Variants in FN1 observed in about 807,000 individuals in gnomAD.
FN1 encodes fibronectin 1.
A neutral mutation model predicts 297.3 loss-of-function variants in FN1; 106 were observed. That is an observed-to-expected ratio of 0.36 (90% CI 0.30 to 0.42). The LOEUF is 0.42. Ranked by LOEUF, FN1 falls within the 10% of genes least tolerant of loss-of-function variation. The probability of loss-of-function intolerance (pLI) is 1.00; values close to 1 mark genes in which losing one functional copy is unlikely to be tolerated. For missense variants in FN1, 2,690 were observed against 3,124.9 expected, an observed-to-expected ratio of 0.86 and a Z score of 3.32; for synonymous variants, 1,149 against 1,152.6, an observed-to-expected ratio of 1.00 and a Z score of 0.06.
At chr2:215,395,088 T>C (rs2106119134) in intron 23 of FN1, among the ~76,000 whole-genome samples, 1 of 152,248 alleles carries the variant, frequency 6.6e-6, no homozygotes, top group African/African-American at 2.4e-5. Context: ...TGTACCCTGC[T>C]TTTCCTTAAT....
At chr2:215,384,737 C>G in intron 29 of FN1, 123 bp downstream of exon 29, 1 of 738,100 alleles carries the variant, frequency 1.4e-6, no homozygotes. Flanking sequence ...TTGGAAAAAA[C>G]AAGGGCTCCG....
At chr2:215,390,520 G>T (rs937645202) in intron 26 of FN1, among the ~76,000 whole-genome samples, 2 of 152,118 alleles carry the variant, frequency 1.3e-5, no homozygotes, top group African/African-American at 4.8e-5. Flanking sequence ...TAATGACTTT[G>T]CTAGGAGGGA....
chr2:215,433,759 T>G (rs1455939074), intron 2 of FN1, among the ~76,000 whole-genome samples: 2 of 152,228 alleles, frequency 1.3e-5, no homozygotes, highest in Admixed American at 6.5e-5. Flanking sequence ...TGTGAAGGGT[T>G]TCACATTCCA....
Position 215,380,853 on chromosome 2 carries a change from C to T in FN1, c.5392G>A (p.Asp1798Asn), listed in dbSNP as rs775247659. ...ATCAGGGGCTGGCTCTCCATATCATCGTGCAAGGCAACCACACTGACTGTG... is the reference window on the plus strand; with the variant it reads ...ATCAGGGGCTGGCTCTCCATATCATTGTGCAAGGCAACCACACTGACTGTG... The part of the protein sequence containing the change: ...EYTVSVVALH[D>N]DMESQPLIGT... The change falls in exon 33 of 46, where the codon GAT becomes AAT. Residue 1798 changes from aspartate to asparagine, a missense_variant. By Grantham distance (23) the Asp-to-Asn change is conservative (BLOSUM62 1). This residue lies in a region of FN1 where 1,743 missense variants were observed against 1,945.2 expected (regional missense o/e 0.90). Coordinates refer to ENST00000354785, the MANE Select transcript of FN1 (RefSeq NM_212482.4). The T allele has an allele frequency of 5.0e-6, 8 of 1,613,916 alleles. No individual in the cohort carries two copies. Among genetic ancestry groups the T allele is most frequent in the Middle Eastern group, 1.7e-4 (1 of 5,846 alleles).
In FN1 at chr2:215,361,596, G is replaced by C. The variant is rs1366673139; in HGVS notation, c.7393C>G (p.Pro2465Ala). Residue 2465 changes from proline to alanine, a missense_variant, in exon 46 of 46, where the codon CCT (proline) becomes GCT (alanine). Coordinates refer to ENST00000354785, the MANE Select transcript of FN1 (RefSeq NM_212482.4). ...TCTCTGTCAGCCTGTACATCTAAAG[G>C]CATGAAGCACTCAATTGGGCAATTA... ...NVNCPIECFM[P>A]LDVQADREDS... 2 of 1,612,380 alleles carry C rather than the reference G, an allele frequency of 1.2e-6. No individual in the cohort carries two copies. The highest frequency in any genetic ancestry group is 2.7e-5 in the African/African-American group (2 of 74,868).
intron 28 of FN1, among the ~76,000 whole-genome samples, chr2:215,385,253 A>T (rs1410113528): frequency 2.5e-5 from 2 of 80,564 alleles, no homozygotes; most frequent in East Asian, 3.5e-3. Context: ...AAAGTTAAAA[A>T]AAAAAAAAAA....
rs774886048 is a variant in FN1, at chr2:215,397,238, C to T, written c.3518-15G>A. The T allele has an allele frequency of 1.3e-6, 2 of 1,596,870 alleles. No individual in the cohort carries two copies. The highest frequency in any genetic ancestry group is 1.1e-5 in the South Asian group (1 of 90,714). ...TGGAGACAATGCTATGCAGAAAGAA[C>T]ATTTTAAAAGTCAAAGCTGACACAA... On this transcript the variant is annotated splice_polypyrimidine_tract_variant and intron_variant, in intron 22 of 45. Coordinates refer to ENST00000354785, the MANE Select transcript of FN1 (RefSeq NM_212482.4).
At chr2:215,364,747 A>T (rs955800264) in intron 44 of FN1, 132 bp downstream of exon 44, 1 of 704,898 alleles carries the variant, frequency 1.4e-6, no homozygotes, top group Non-Finnish European at 2.6e-6. Flanking sequence ...CAGCAGTTGT[A>T]TGCCAACAGG....
At chr2:215,405,263 C>A (rs1409444040) in intron 19 of FN1, among the ~76,000 whole-genome samples, 3 of 152,052 alleles carry the variant, frequency 2.0e-5, no homozygotes, top group African/African-American at 7.2e-5. Context: ...AGCAGTTTTC[C>A]CACCGAAATT....
Position 215,381,008 on chromosome 2 carries a change from G to A in FN1, c.5237C>T (p.Pro1746Leu), listed in dbSNP as rs923283804. 6 of 1,614,086 alleles carry A rather than the reference G, an allele frequency of 3.7e-6. No homozygotes were observed. The African/African-American group carries it at 6.7e-5, about 18-fold the overall frequency. The change falls in exon 33 of 46, where the codon CCA becomes CTA. Residue 1746 changes from proline (P) to leucine (L), a missense_variant. Transcript: ENST00000354785. ...VDSIKIAWESPQGQVSRYRVT... is the reference protein window; with the variant it reads ...VDSIKIAWESLQGQVSRYRVT... ...CCTGTACCTGGAAACTTGCCCCTGT[G>A]GGCTTTCCCAAGCAATTTTGATGGA...
At position 215,412,604 on chromosome 2, in the gene FN1, T is replaced by G. The variant is rs547455866; in HGVS notation, c.1941+2233A>C. Among the ~76,000 whole-genome samples, 159 of 152,208 alleles carry G rather than the reference T, an allele frequency of 1.0e-3. 1 individual carries two copies. The highest frequency in any genetic ancestry group is 3.7e-3 in the African/African-American group (155 of 41,526). ...GGTGCATGCTACCATGCCCGGCTAA[T>G]TTTTAGCCACTGTGCCCAGACAAAG... On this transcript the variant is annotated intron_variant, in intron 13 of 45. Transcript: ENST00000354785.
At chr2:215,419,465 AT>A in intron 11 of FN1, 80 bp from the exon 12 acceptor site, 1 of 1,187,838 alleles carries the variant, frequency 8.4e-7, no homozygotes, top group Non-Finnish European at 1.3e-6. Context: ...TAGAGCATAC[AT>A]TTAGCTTAAA....
At chr2:215,388,373 A>G (rs2059293858) in intron 26 of FN1, 72 bp from the exon 27 acceptor site, 4 of 1,026,372 alleles carry the variant, frequency 3.9e-6, no homozygotes, top group East Asian at 4.7e-5. Flanking sequence ...GCCCAGGACT[A>G]TTTGAACTGA....
At chr2:215,418,691 A>G (rs537815644) in intron 12 of FN1, among the ~76,000 whole-genome samples, 2 of 152,326 alleles carry the variant, frequency 1.3e-5, no homozygotes, top group East Asian at 3.9e-4. Context: ...TAAACATTTG[A>G]GAGTGTTTGA....
rs530442706 is a variant in FN1 at position 215,408,090 on chromosome 2, G to T, written c.2518+18C>A. 8.1e-6 allele frequency: 13 copies of T among 1,598,440 alleles called. No homozygotes were observed. Among genetic ancestry groups the T allele is most frequent in the Non-Finnish European group, 1.0e-5 (12 of 1,165,964 alleles). On this transcript the variant is annotated intron_variant, in intron 17 of 45. Coordinates refer to ENST00000354785, the MANE Select transcript of FN1 (RefSeq NM_212482.4). ...TTAAGATTAACATAGCAGCCAAAGA[G>T]GGGGACGCTTAGCTGACCTGTGATG...
At position 215,435,810 on chromosome 2, in the gene FN1, C is replaced by G; in HGVS notation, c.-8G>C. 1 of 1,545,956 alleles carries G rather than the reference C, an allele frequency of 6.5e-7. No individual in the cohort carries two copies. The highest frequency in any genetic ancestry group is 8.7e-7 in the Non-Finnish European group (1 of 1,149,494). ...CCCCGGACCCCTAAGCATGTTGAGA[C>G]GGTGGGGGAGAGACGCCCGCACCGG... On this transcript the variant is annotated 5_prime_UTR_variant, in exon 1 of 46. Transcript: ENST00000354785.
chr2:215,361,919 A>C lies in FN1; in HGVS notation c.7362+50T>G, dbSNP rs13394662. 555,904 of 1,598,568 alleles carry C rather than the reference A, an allele frequency of 0.35. 104,814 individuals carry two copies. The highest frequency in any genetic ancestry group is 0.39 in the Non-Finnish European group (452,989 of 1,167,750). ...CATTCTGAAGAAAGATACCTGTAGAAAGAGACTGTCTAGTATGAGGGAACA... is the reference window on the plus strand; with the variant it reads ...CATTCTGAAGAAAGATACCTGTAGACAGAGACTGTCTAGTATGAGGGAACA... On this transcript the variant is annotated intron_variant, in intron 45 of 45. Coordinates refer to ENST00000354785, the MANE Select transcript of FN1 (RefSeq NM_212482.4).
chr2:215,389,651 G>A lies in FN1; in HGVS notation c.4253-1350C>T, dbSNP rs140476396. Among the ~76,000 whole-genome samples, 420 of 151,948 alleles carry A rather than the reference G, an allele frequency of 2.8e-3. 2 individuals carry two copies. The highest frequency in any genetic ancestry group is 0.021 in the East Asian group (106 of 5,084). ...AAAAATACAAAAAAATTAGCTGGGC[G>A]TGGTGGCTCACGCCTGTAATCCCAG... On this transcript the variant is annotated intron_variant, in intron 26 of 45. Coordinates refer to ENST00000354785, the MANE Select transcript of FN1 (RefSeq NM_212482.4).
chr2:215,383,936 A>G (rs2058559873), intron 30 of FN1, 84 bp downstream of exon 30: 2 of 1,480,524 alleles, frequency 1.4e-6, no homozygotes, highest in East Asian at 2.3e-5. Context: ...CTATTCTACA[A>G]TTAGAAAAAT....
Sources: allele counts gnomAD v4.1 joint callset (sites outside exome capture counted in the v4.1 genomes callset), GRCh38; gene constraint gnomAD v4.1.1; regional missense constraint gnomAD v4.1.1; transcripts MANE v1.5; gene names NCBI Gene and HGNC (gene_info 2026-07-23, HGNC 2026-07-21).